Variants in ADGRB3 observed in about 807,000 individuals in gnomAD.
The protein encoded by ADGRB3 is adhesion G protein-coupled receptor B3.
Under a neutral mutation model 193.4 loss-of-function variants are expected in ADGRB3, and 37 were observed. That is an observed-to-expected ratio of 0.19 (90% CI 0.15 to 0.25). The LOEUF is 0.25. Among genes scored for constraint, ADGRB3 ranks in the 10% least tolerant of loss-of-function variants. The probability of loss-of-function intolerance (pLI) is 1.00; values close to 1 mark genes in which losing one functional copy is unlikely to be tolerated. For synonymous variants in ADGRB3, 690 were observed against 644.2 expected, an observed-to-expected ratio of 1.07 and a Z score of -1.08; for missense variants, 1,637 against 1,852.9, an observed-to-expected ratio of 0.88 and a Z score of 2.14.
intron 8 of ADGRB3, among the ~76,000 whole-genome samples, chr6:68,969,329 C>G (rs1414388532): frequency 2.0e-5 from 3 of 152,104 alleles, no homozygotes; most frequent in Admixed American, 2.0e-4. Context: ...ATAAGAATAT[C>G]CATGGGTTTC....
chr6:69,355,684 A>G (rs1175278269), intron 27 of ADGRB3, 137 bp from the exon 28 acceptor site: 1 of 705,592 alleles, frequency 1.4e-6, no homozygotes, highest in Non-Finnish European at 2.4e-6. Context: ...TTATACATAG[A>G]GAAATTTCCT....
Position 69,355,847 on chromosome 6 carries a change from T to C in ADGRB3, c.3582T>C (p.Ile1194=). The C allele has an allele frequency of 2.5e-6, 4 of 1,607,044 alleles. No homozygotes were observed. Among genetic ancestry groups the C allele is most frequent in the Non-Finnish European group, 3.4e-6 (4 of 1,174,120 alleles). Residue 1194 remains isoleucine (I), a synonymous_variant, in exon 28 of 32, where the codon ATT becomes ATC. Transcript: ENST00000370598. ...IMTDFEKDVD[I]ACRSVLHKDI... ...CAGACTTTGAAAAGGATGTAGACAT[T>C]GCCTGTCGATCAGGTAAGAATATTT...
chr6:68,707,982 A>G (rs1389356437), intron 3 of ADGRB3, among the ~76,000 whole-genome samples: 3 of 152,202 alleles, frequency 2.0e-5, no homozygotes, highest in Non-Finnish European at 4.4e-5. Context: ...AAAGTCACAG[A>G]GAGACACAGA....
chr6:68,958,149 C>T (rs973313161), intron 8 of ADGRB3, among the ~76,000 whole-genome samples: 1 of 151,738 alleles, frequency 6.6e-6, no homozygotes, highest in African/African-American at 2.4e-5. Flanking sequence ...TGCAGTTAGC[C>T]GAGATTGCAC....
chr6:69,137,975 C>T (rs939568731), intron 17 of ADGRB3, among the ~76,000 whole-genome samples: 1 of 152,136 alleles, frequency 6.6e-6, no homozygotes, highest in Non-Finnish European at 1.5e-5. Flanking sequence ...AGTATGTCTT[C>T]AGTTGTTGCC....
chr6:68,645,295 G>GT (rs1445233065), intron 3 of ADGRB3, among the ~76,000 whole-genome samples: 61 of 151,928 alleles, frequency 4.0e-4, no homozygotes, highest in Non-Finnish European at 5.9e-5. Flanking sequence ...GAGTAGGCTA[G>GT]TAATGCTTAT....
At chr6:69,346,510 G>C (rs1769091877) in intron 26 of ADGRB3, among the ~76,000 whole-genome samples, 1 of 151,294 alleles carries the variant, frequency 6.6e-6, no homozygotes. Flanking sequence ...AAATTTACAA[G>C]AAATAAACAA....
intron 17 of ADGRB3, among the ~76,000 whole-genome samples, chr6:69,204,079 G>C (rs927506209): frequency 2.0e-5 from 3 of 151,978 alleles, no homozygotes; most frequent in African/African-American, 7.3e-5. Flanking sequence ...CAACTGACTG[G>C]CTGACCAGTG....
chr6:68,716,726 C>T (rs1244127094), intron 3 of ADGRB3, among the ~76,000 whole-genome samples: 1 of 151,648 alleles, frequency 6.6e-6, no homozygotes, highest in African/African-American at 2.4e-5. Flanking sequence ...CCTGAAAGAG[C>T]TAATTGTTAA....
chr6:68,910,652 T>A (rs1479535100), intron 3 of ADGRB3, among the ~76,000 whole-genome samples: 11 of 152,248 alleles, frequency 7.2e-5, no homozygotes, highest in Non-Finnish European at 1.2e-4. Flanking sequence ...GCACCATTTA[T>A]TAAATAGGGA....
intron 8 of ADGRB3, among the ~76,000 whole-genome samples, chr6:68,971,030 A>C (rs1322915955): frequency 6.6e-6 from 1 of 152,198 alleles, no homozygotes; most frequent in African/African-American, 2.4e-5. Flanking sequence ...TTTCTTTGGA[A>C]TAGCCAAGTA....
At chr6:69,267,457 T>C (rs1437789494) in intron 20 of ADGRB3, among the ~76,000 whole-genome samples, 3 of 152,166 alleles carry the variant, frequency 2.0e-5, no homozygotes, top group Admixed American at 6.6e-5. Flanking sequence ...TCATCAAAAG[T>C]ACTGAGCTAG....
At chr6:69,141,201 G>T (rs1774332648) in intron 17 of ADGRB3, among the ~76,000 whole-genome samples, 1 of 151,058 alleles carries the variant, frequency 6.6e-6, no homozygotes, top group African/African-American at 2.4e-5. Flanking sequence ...TCGGCTCACT[G>T]CAAGCTCCGC....
chr6:68,772,894 A>ATATATATAT (rs1554191414), intron 3 of ADGRB3, among the ~76,000 whole-genome samples: 13 of 22,856 alleles, frequency 5.7e-4, no homozygotes, highest in East Asian at 3.2e-3. Context: ...AAAAAAAAAA[A>ATATATATAT]ATATATATAT....
At chr6:68,797,934 C>G (rs1329176919) in intron 3 of ADGRB3, among the ~76,000 whole-genome samples, 3 of 152,108 alleles carry the variant, frequency 2.0e-5, no homozygotes, top group Non-Finnish European at 4.4e-5. Context: ...CTCGTTCTAA[C>G]TAGTTACCAA....
At chr6:68,760,846 T>A in intron 3 of ADGRB3, among the ~76,000 whole-genome samples, 1 of 152,212 alleles carries the variant, frequency 6.6e-6, no homozygotes, top group Non-Finnish European at 1.5e-5. Context: ...TGTCCAGTTC[T>A]CTGAATAAAT....
intron 20 of ADGRB3, among the ~76,000 whole-genome samples, chr6:69,317,957 C>T (rs1768353979): frequency 6.6e-6 from 1 of 151,364 alleles, no homozygotes; most frequent in South Asian, 2.1e-4. Context: ...GATCTTGCAT[C>T]CAACTAGCCC....
chr6:68,638,369 C>T (rs1768003544), intron 2 of ADGRB3, among the ~76,000 whole-genome samples: 2 of 152,116 alleles, frequency 1.3e-5, no homozygotes, highest in Admixed American at 6.5e-5. Flanking sequence ...TGATAATGGA[C>T]GTGGAGGATA....
At chr6:69,040,780 A>AAT (rs1771043332) in intron 13 of ADGRB3, among the ~76,000 whole-genome samples, 1 of 151,706 alleles carries the variant, frequency 6.6e-6, no homozygotes, top group Admixed American at 6.6e-5. Context: ...TGCTAAAAGG[A>AAT]ATATGCAAAA....
Sources: allele counts gnomAD v4.1 joint callset (sites outside exome capture counted in the v4.1 genomes callset), GRCh38; gene constraint gnomAD v4.1.1; transcripts MANE v1.5; gene names NCBI Gene and HGNC (gene_info 2026-07-23, HGNC 2026-07-21).